The following MARK1 variants were observed in gnomAD, a reference collection of about 807,000 sequenced individuals.
MARK1 encodes serine/threonine-protein kinase MARK1.
In MARK1, 40 loss-of-function variants were observed where a neutral mutation model predicts 96.3. The ratio of observed to expected loss-of-function variants is 0.42; its 90% confidence interval spans 0.32 to 0.54. The LOEUF (loss-of-function observed/expected upper bound fraction) is 0.54. MARK1 is among the 20% of genes least tolerant of loss of function. The pLI is 0.16. For synonymous variants in MARK1, 317 were observed against 341.2 expected (o/e 0.93, Z 0.78); for missense variants, 719 against 984.6 (o/e 0.73, Z 3.61).
At chr1:220,644,458 C>T (rs867698832) in intron 13 of MARK1, among the ~76,000 whole-genome samples, 1 of 141,980 alleles carries the variant, frequency 7.0e-6, no homozygotes, top group African/African-American at 2.6e-5. Context: ...GACCCCCCCC[C>T]CCCCACACAC....
At chr1:220,611,053 T>C (rs1666411107) in intron 6 of MARK1, among the ~76,000 whole-genome samples, 1 of 152,126 alleles carries the variant, frequency 6.6e-6, no homozygotes, top group Non-Finnish European at 1.5e-5. Flanking sequence ...GAGGAGGCAG[T>C]CTGTCCATTT....
intron 7 of MARK1, 51 bp downstream of exon 7, chr1:220,616,046 T>C: frequency 1.1e-6 from 1 of 879,456 alleles, no homozygotes; most frequent in Non-Finnish European, 1.8e-6. Flanking sequence ...ATTATTAACA[T>C]ATATTTAATA....
At chr1:220,563,065 G>C (rs1662781731) in intron 1 of MARK1, among the ~76,000 whole-genome samples, 1 of 152,098 alleles carries the variant, frequency 6.6e-6, no homozygotes. Context: ...GCAGGCCAGG[G>C]CTGTCTTTAT....
rs559390181 is a variant in MARK1 at position 220,587,931 on chromosome 1, C to T, written c.309+6813C>T. 4.6e-5 allele frequency among the ~76,000 whole-genome samples: 7 copies of T among 152,234 alleles called. No individual in the cohort carries two copies. In the East Asian group the frequency reaches 1.4e-3, roughly 29 times the overall value. ...CAAGTAGAATTGCTGGGTTGAAGGGCATGCATAGCCTCAACTTTACTAGAT... is the reference window on the plus strand; with the variant it reads ...CAAGTAGAATTGCTGGGTTGAAGGGTATGCATAGCCTCAACTTTACTAGAT... On this transcript the variant is annotated intron_variant, in intron 3 of 17. Transcript: ENST00000366917.
intron 1 of MARK1, among the ~76,000 whole-genome samples, chr1:220,541,939 T>C (rs1303253008): frequency 1.3e-5 from 2 of 152,190 alleles, no homozygotes; most frequent in Non-Finnish European, 2.9e-5. Context: ...ATTTTCCGTC[T>C]TGTAGGTTTT....
intron 1 of MARK1, among the ~76,000 whole-genome samples, chr1:220,549,042 C>T (rs757255871): frequency 1.1e-4 from 16 of 152,160 alleles, no homozygotes; most frequent in Non-Finnish European, 2.1e-4. Flanking sequence ...GGCTCAGCCA[C>T]TCCCTGTTCG....
At position 220,551,055 on chromosome 1, in the gene MARK1, C is replaced by T. The variant is rs151117355; in HGVS notation, c.51+22182C>T. ...ATGGGGGAGTAAAACAAATTAGAAC[C>T]TGCGAGGACAAACTGGAACTCGTGT... On this transcript the variant is annotated intron_variant, in intron 1 of 17. Coordinates refer to ENST00000366917, the MANE Select transcript of MARK1 (RefSeq NM_018650.5). Among the ~76,000 whole-genome samples, 217 of 152,288 alleles carry T rather than the reference C, an allele frequency of 1.4e-3. 1 individual carries two copies. Among genetic ancestry groups the T allele is most frequent in the Non-Finnish European group, 6.8e-4 (46 of 68,036 alleles).
intron 13 of MARK1, among the ~76,000 whole-genome samples, chr1:220,644,453 C>G (rs900384296): frequency 8.9e-6 from 1 of 112,118 alleles, no homozygotes; most frequent in South Asian, 3.4e-4. Flanking sequence ...ACTTAGACCC[C>G]CCCCCCCCCA....
intron 7 of MARK1, among the ~76,000 whole-genome samples, chr1:220,616,437 A>G (rs1214305512): frequency 3.3e-5 from 5 of 152,242 alleles, no homozygotes; most frequent in Non-Finnish European, 7.3e-5. Flanking sequence ...ACAAATGAGC[A>G]TACTTTGGAA....
chr1:220,566,071 A>G (rs1441207679), intron 1 of MARK1, among the ~76,000 whole-genome samples: 2 of 152,238 alleles, frequency 1.3e-5, no homozygotes, highest in Admixed American at 1.3e-4. Context: ...CTGATGTCTC[A>G]TCTTTAAATT....
At chr1:220,612,320 G>A (rs1666492368) in intron 6 of MARK1, among the ~76,000 whole-genome samples, 1 of 152,134 alleles carries the variant, frequency 6.6e-6, no homozygotes, top group African/African-American at 2.4e-5. Context: ...AAGAGGTTGG[G>A]ACATAGGTAT....
rs1667722452 is a variant in MARK1 at position 220,632,333 on chromosome 1, A to C, written c.1122+20A>C. 2.7e-6 allele frequency: 3 copies of C among 1,110,890 alleles called. No homozygotes were observed. The highest frequency in any genetic ancestry group is 3.9e-6 in the Non-Finnish European group (3 of 764,678). 68.8% of individuals were successfully genotyped at this position (1,110,890 alleles called of 1,614,324 possible). A position where few individuals can be genotyped will look rare whatever the true frequency, so the allele number is the denominator to read the frequency against. On this transcript the variant is annotated intron_variant, in intron 11 of 17. Transcript: ENST00000366917. ...CCTGAAGTAAGTTTTTCACCTTTTC[A>C]GATTACTGTGAATTATTTCTTGAGC...
intron 1 of MARK1, among the ~76,000 whole-genome samples, chr1:220,562,156 A>G (rs371236848): frequency 3.2e-4 from 48 of 152,228 alleles, no homozygotes; most frequent in African/African-American, 1.0e-3. Flanking sequence ...TGGCCTTTTG[A>G]TGATACTATT....
In MARK1 at chr1:220,653,219, C is replaced by T; in HGVS notation, c.1855C>T (p.Leu619Phe). The change falls in exon 16 of 18, where the codon CTC (leucine) becomes TTC (phenylalanine). Residue 619 changes from leucine to phenylalanine, a missense_variant. Leu to Phe is a conservative substitution (Grantham distance 22). Coordinates refer to ENST00000366917, the MANE Select transcript of MARK1 (RefSeq NM_018650.5). ...CCGAAGCACTTTCCATGGTGAACAG[C>T]TCCGGGAGCGACGCAGCGTTGCTTA... ...SSRSTFHGEQ[L>F]RERRSVAYNG... 6.2e-7 allele frequency: 1 copy of T among 1,614,228 alleles called. No individual in the cohort carries two copies. Among genetic ancestry groups the T allele is most frequent in the Non-Finnish European group, 8.5e-7 (1 of 1,180,052 alleles).
At position 220,586,011 on chromosome 1, in the gene MARK1, A is replaced by ACGCACGCGCG. The variant is rs1553322976; in HGVS notation, c.309+4896_309+4897insACGCGCGCGC. 8.3e-4 allele frequency among the ~76,000 whole-genome samples: 124 copies of ACGCACGCGCG among 148,632 alleles called. 1 individual carries two copies. The highest frequency in any genetic ancestry group is 2.7e-3 in the African/African-American group (106 of 39,034). ...CACACACACACACACACACACACAC[A>ACGCACGCGCG]CGCGCGCGTGCGCAGAGAGAGAGAG... On this transcript the variant is annotated intron_variant, in intron 3 of 17. Transcript: ENST00000366917.
At chr1:220,644,648 G>A (rs1230493935) in intron 13 of MARK1, among the ~76,000 whole-genome samples, 1 of 151,978 alleles carries the variant, frequency 6.6e-6, no homozygotes, top group African/African-American at 2.4e-5. Flanking sequence ...GTGCCATGTG[G>A]CATTTACTCT....
chr1:220,654,764 T>G lies in MARK1; in HGVS notation c.1988+1412T>G, dbSNP rs1201706981. Among the ~76,000 whole-genome samples, 2 of 152,204 alleles carry G rather than the reference T, an allele frequency of 1.3e-5. No individual in the cohort carries two copies. The highest frequency in any genetic ancestry group is 2.9e-5 in the Non-Finnish European group (2 of 68,038). ...TAATTTTAAAGTGAAGAAAAATAGG[T>G]TTATAGTTTAGTGCTTGATTACTAA... On this transcript the variant is annotated intron_variant, in intron 16 of 17. Coordinates refer to ENST00000366917, the MANE Select transcript of MARK1 (RefSeq NM_018650.5). The surrounding 1 kb of genome is among the most constrained non-coding windows in gnomAD (Gnocchi z 4.0).
chr1:220,626,358 T>C (rs1667333593), intron 9 of MARK1: 3 of 550,236 alleles, frequency 5.5e-6, no homozygotes, highest in Non-Finnish European at 1.1e-5. Context: ...TTTCAGGAAC[T>C]AGGGATCTAC....
At chr1:220,631,581 C>G (rs1021920089) in intron 10 of MARK1, among the ~76,000 whole-genome samples, 7 of 152,298 alleles carry the variant, frequency 4.6e-5, no homozygotes, top group African/African-American at 1.4e-4. Context: ...ACTCGTCCTG[C>G]TACTGCCCAT....
Sources: allele counts gnomAD v4.1 joint callset (sites outside exome capture counted in the v4.1 genomes callset), GRCh38; gene constraint gnomAD v4.1.1; non-coding constraint Gnocchi (gnomAD v3.1); transcripts MANE v1.5; gene names NCBI Gene and HGNC (gene_info 2026-07-23, HGNC 2026-07-21).